SCHIP1: variants seen among roughly 807,000 people sequenced by gnomAD.
SCHIP1 encodes the protein schwannomin-interacting protein 1.
SCHIP1 carries 8 observed loss-of-function variants against 29.7 expected under a neutral mutation model. The ratio of observed to expected loss-of-function variants is 0.27; its 90% CI spans 0.16 to 0.49. The LOEUF is 0.49. Among genes scored for constraint, SCHIP1 ranks in the 20% least tolerant of loss-of-function variants. SCHIP1 has a pLI of 0.99. For missense variants in SCHIP1, 193 were observed against 294.6 expected (o/e 0.66, Z 2.52); for synonymous variants, 76 against 94.9 (o/e 0.80, Z 1.16).
At chr3:159,691,592 C>A in the SCHIP1 span, among the ~76,000 whole-genome samples, 1 of 151,998 alleles carries the variant, frequency 6.6e-6, no homozygotes, top group African/African-American at 2.4e-5. Context: ...CCATTTAGCC[C>A]ATTTACATTT....
At chr3:159,372,163 A>T in the SCHIP1 span, among the ~76,000 whole-genome samples, 1 of 152,178 alleles carries the variant, frequency 6.6e-6, no homozygotes, top group African/African-American at 2.4e-5. Context: ...AGTAATTAAA[A>T]GCTGTTATCT....
the SCHIP1 span, among the ~76,000 whole-genome samples, chr3:159,828,431 GTATATATACGTATATATATAC>G: frequency 1.9e-5 from 1 of 53,346 alleles, no homozygotes; most frequent in Admixed American, 2.7e-4. Context: ...ATATATATAC[GTATATATACGTATATATATAC>G]GTATATATAT....
the SCHIP1 span, among the ~76,000 whole-genome samples, chr3:159,778,423 T>C: frequency 8.5e-5 from 13 of 152,286 alleles, 2 homozygotes; most frequent in South Asian, 2.7e-3. Flanking sequence ...TATGTTAATA[T>C]CTTATATGTC....
the SCHIP1 span, among the ~76,000 whole-genome samples, chr3:159,460,586 A>C: frequency 6.6e-6 from 1 of 152,312 alleles, no homozygotes; most frequent in East Asian, 1.9e-4. Flanking sequence ...AAGGTAATCA[A>C]CATGTCCCTG....
chr3:159,504,041 A>G, the SCHIP1 span, among the ~76,000 whole-genome samples: 1 of 152,194 alleles, frequency 6.6e-6, no homozygotes, highest in Non-Finnish European at 1.5e-5. Flanking sequence ...CTTTGGCCAG[A>G]GGCTGTTAAG....
At chr3:159,355,614 C>A in the SCHIP1 span, among the ~76,000 whole-genome samples, 1 of 152,074 alleles carries the variant, frequency 6.6e-6, no homozygotes, top group Non-Finnish European at 1.5e-5. Flanking sequence ...AAATTATATT[C>A]TATTTCTTGG....
the SCHIP1 span, among the ~76,000 whole-genome samples, chr3:159,278,566 G>A: frequency 2.0e-5 from 3 of 152,244 alleles, no homozygotes; most frequent in East Asian, 3.9e-4. Context: ...TCTTTCGCCT[G>A]TATCCTTTCA....
the SCHIP1 span, among the ~76,000 whole-genome samples, chr3:159,652,117 T>A: frequency 6.6e-6 from 1 of 151,326 alleles, no homozygotes; most frequent in Non-Finnish European, 1.5e-5. Context: ...AAAAAAAAAA[T>A]TGCTACCATG....
chr3:159,468,153 T>A, the SCHIP1 span, among the ~76,000 whole-genome samples: 1 of 152,148 alleles, frequency 6.6e-6, no homozygotes, highest in Non-Finnish European at 1.5e-5. Context: ...GATTTAATGA[T>A]TCTGTCCTGT....
At chr3:159,375,816 A>G in the SCHIP1 span, 1 of 868,316 alleles carries the variant, frequency 1.2e-6, no homozygotes, top group Non-Finnish European at 1.4e-6. Flanking sequence ...AAGTAAAGCT[A>G]GACAGGCAGG....
chr3:159,885,306 T>C (rs1716855518), intron 2 of SCHIP1, among the ~76,000 whole-genome samples: 1 of 152,208 alleles, frequency 6.6e-6, no homozygotes, highest in Admixed American at 6.5e-5. Context: ...ACACAGAGAC[T>C]GGGGCTACTA....
chr3:159,641,965 A>C, the SCHIP1 span, among the ~76,000 whole-genome samples: 3 of 152,150 alleles, frequency 2.0e-5, no homozygotes, highest in African/African-American at 7.2e-5. Context: ...TCATTTTTGC[A>C]GGCTTATTGT....
At chr3:159,320,621 C>T in the SCHIP1 span, among the ~76,000 whole-genome samples, 3 of 151,260 alleles carry the variant, frequency 2.0e-5, no homozygotes, top group African/African-American at 4.9e-5. Context: ...TTTTTTTCCC[C>T]CTGTTACAGT....
At chr3:159,543,033 G>A in the SCHIP1 span, among the ~76,000 whole-genome samples, 2 of 149,928 alleles carry the variant, frequency 1.3e-5, no homozygotes, top group Non-Finnish European at 3.0e-5. Context: ...GTGTGTATGT[G>A]TATATATATA....
At chr3:159,510,136 G>T in the SCHIP1 span, among the ~76,000 whole-genome samples, 172 of 152,230 alleles carry the variant, frequency 1.1e-3, 2 homozygotes, top group African/African-American at 4.0e-3. Context: ...TTTTCACATA[G>T]TCCCATATTT....
At chr3:159,557,683 C>A in the SCHIP1 span, among the ~76,000 whole-genome samples, 62 of 152,264 alleles carry the variant, frequency 4.1e-4, no homozygotes, top group African/African-American at 1.5e-3. Flanking sequence ...AATCAAAATT[C>A]ACATGCAGAT....
chr3:159,876,005 CA>C (rs1715768821), intron 2 of SCHIP1, among the ~76,000 whole-genome samples: 1 of 152,132 alleles, frequency 6.6e-6, no homozygotes, highest in Non-Finnish European at 1.5e-5. Flanking sequence ...CAACAGATTA[CA>C]AAGAGGAAAA....
the SCHIP1 span, among the ~76,000 whole-genome samples, chr3:159,425,353 CAAGCAAATGGA>C: frequency 2.2e-3 from 325 of 150,332 alleles, no homozygotes; most frequent in African/African-American, 7.6e-3. Context: ...GAAGATCTAC[CAAGCAAATGGA>C]AAACAAAAAA....
the SCHIP1 span, among the ~76,000 whole-genome samples, chr3:159,677,695 G>C: frequency 6.6e-6 from 1 of 152,172 alleles, no homozygotes; most frequent in African/African-American, 2.4e-5. Context: ...AAAGTGGCCA[G>C]GGAGATCTCT....
Sources: allele counts gnomAD v4.1 joint callset (sites outside exome capture counted in the v4.1 genomes callset), GRCh38; gene constraint gnomAD v4.1.1; transcripts MANE v1.5; gene names NCBI Gene and HGNC (gene_info 2026-07-23, HGNC 2026-07-21).